Variants in TAOK1 observed in about 807,000 individuals in gnomAD.
TAOK1 encodes TAO kinase 1.
TAOK1 carries 21 observed loss-of-function variants against 138.3 expected under a neutral mutation model. The ratio of observed to expected loss-of-function variants is 0.15; its 90% confidence interval spans 0.11 to 0.22. TAOK1 has a LOEUF of 0.22. TAOK1 is among the 10% of genes least tolerant of loss of function. The pLI is 1.00. For missense variants in TAOK1, 651 were observed against 1,227.7 expected, an observed-to-expected ratio of 0.53 and a Z score of 7.02; for synonymous variants, 361 against 398.4, an observed-to-expected ratio of 0.91 and a Z score of 1.12.
intron 1 of TAOK1, among the ~76,000 whole-genome samples, chr17:29,420,834 G>A (rs1043005504): frequency 6.6e-6 from 1 of 152,034 alleles, no homozygotes; most frequent in Non-Finnish European, 1.5e-5. Context: ...CCGCCTGCCT[G>A]TAATCCCAAA....
At chr17:29,465,465 A>G (rs1365530211) in intron 2 of TAOK1, among the ~76,000 whole-genome samples, 1 of 151,898 alleles carries the variant, frequency 6.6e-6, no homozygotes, top group East Asian at 1.9e-4. Flanking sequence ...TTAATTTTTT[A>G]AAGCAACCTT....
chr17:29,482,086 A>G (rs6505138), intron 7 of TAOK1, 111 bp from the exon 8 acceptor site: 169,317 of 717,498 alleles, frequency 0.24, 24,388 homozygotes, highest in East Asian at 0.67. Context: ...ATGTCCAGAT[A>G]TATTGGCTAG....
chr17:29,495,847 C>T (rs2031402300), intron 11 of TAOK1, 120 bp downstream of exon 11: 2 of 799,212 alleles, frequency 2.5e-6, no homozygotes, highest in Admixed American at 6.9e-5. Context: ...ATTTTCTCAA[C>T]ACTGGTCCTA....
chr17:29,438,222 A>G (rs1050998920), intron 1 of TAOK1, among the ~76,000 whole-genome samples: 2 of 152,162 alleles, frequency 1.3e-5, no homozygotes, highest in African/African-American at 2.4e-5. Flanking sequence ...GAATGTTCCA[A>G]TATTACTATT....
chr17:29,451,465 CA>C lies in TAOK1; in HGVS notation c.-82del. ...TCTATTTTTCTACAGTAGTTTATGC[CA>C]ACGTGACTTCATTCATACAGATGAA... On this transcript the variant is annotated 5_prime_UTR_variant, in exon 2 of 20. An upstream open reading frame in the 5' UTR loses its in-frame stop. Coordinates refer to ENST00000261716, the MANE Select transcript of TAOK1 (RefSeq NM_020791.4). 6.9e-7 allele frequency: 1 copy of C among 1,450,718 alleles called. No homozygotes were observed. The highest frequency in any genetic ancestry group is 9.1e-7 in the Non-Finnish European group (1 of 1,099,162). 89.9% of individuals were successfully genotyped at this position (1,450,718 alleles called of 1,614,324 possible). A position where few individuals can be genotyped will look rare whatever the true frequency, so the allele number is the denominator to read the frequency against.
chr17:29,524,272 A>AT (rs1367863397), intron 17 of TAOK1, among the ~76,000 whole-genome samples: 5 of 152,320 alleles, frequency 3.3e-5, no homozygotes, highest in South Asian at 2.1e-4. Context: ...CCATGAACAG[A>AT]TTTTTAAACC....
In TAOK1 at chr17:29,547,920, T is replaced by C. The variant is rs1436409502; in HGVS notation, c.*4898T>C. ...AAGGACTACTGATTGAAGTCTGTTT[T>C]GCTGTGTCTGGTTATGTTGTCTGCA... is the stretch of plus-strand genomic sequence containing the variant. On this transcript the variant is annotated 3_prime_UTR_variant, in exon 20 of 20. Coordinates refer to ENST00000261716, the MANE Select transcript of TAOK1 (RefSeq NM_020791.4). 6.6e-6 allele frequency: 1 copy of C among 152,154 alleles called. No homozygotes were observed. Among genetic ancestry groups the C allele is most frequent in the African/African-American group, 2.4e-5 (1 of 41,454 alleles). 9.4% of individuals were successfully genotyped at this position (152,154 alleles called of 1,614,324 possible).
intron 2 of TAOK1, among the ~76,000 whole-genome samples, chr17:29,461,904 CAT>C (rs575556049): frequency 2.3e-3 from 347 of 152,226 alleles, no homozygotes; most frequent in African/African-American, 7.5e-3. Context: ...GTGTGGGAAA[CAT>C]GAACATGTAG....
At chr17:29,535,351 A>G (rs1043879328) in intron 19 of TAOK1, among the ~76,000 whole-genome samples, 22 of 152,066 alleles carry the variant, frequency 1.4e-4, no homozygotes, top group East Asian at 3.9e-4. Context: ...TCGATTATCA[A>G]TTGTATCCAG....
At chr17:29,451,431 C>CTTTTTTTTTTTT in intron 1 of TAOK1, 24 bp from the exon 2 acceptor site, 1 of 1,296,018 alleles carries the variant, frequency 7.7e-7, no homozygotes, top group Non-Finnish European at 1.0e-6. Flanking sequence ...CCTTTTCTGA[C>CTTTTTTTTTTTT]TTTTTTTTTC....
At chr17:29,420,751 A>T (rs1438502430) in intron 1 of TAOK1, among the ~76,000 whole-genome samples, 1 of 151,314 alleles carries the variant, frequency 6.6e-6, no homozygotes, top group Non-Finnish European at 1.5e-5. Flanking sequence ...ATGCCTGGCT[A>T]ATTTTGTATT....
intron 2 of TAOK1, among the ~76,000 whole-genome samples, chr17:29,464,978 G>A (rs2030624308): frequency 6.6e-6 from 1 of 151,258 alleles, no homozygotes; most frequent in Non-Finnish European, 1.5e-5. Flanking sequence ...GTGCCACTAT[G>A]CCTGGCTAAT....
chr17:29,409,333 A>ATATATATAT (rs1348702470), intron 1 of TAOK1, among the ~76,000 whole-genome samples: 7 of 59,058 alleles, frequency 1.2e-4, no homozygotes, highest in African/African-American at 3.3e-4. Context: ...ATATATATAT[A>ATATATATAT]TTTTTTTTTT....
intron 1 of TAOK1, among the ~76,000 whole-genome samples, chr17:29,403,172 A>T (rs1168795367): frequency 2.6e-5 from 4 of 151,034 alleles, no homozygotes; most frequent in African/African-American, 9.7e-5. Flanking sequence ...AAAAAAAAAA[A>T]AAAAAAAAAA....
intron 1 of TAOK1, among the ~76,000 whole-genome samples, chr17:29,396,202 C>T (rs573974333): frequency 2.0e-5 from 3 of 152,046 alleles, no homozygotes; most frequent in East Asian, 3.8e-4. Context: ...TCAGCTGGGA[C>T]GTTTCTGTCA....
intron 1 of TAOK1, among the ~76,000 whole-genome samples, chr17:29,415,821 G>A (rs1217282245): frequency 6.6e-6 from 1 of 152,170 alleles, no homozygotes; most frequent in African/African-American, 2.4e-5. Flanking sequence ...AATTTTGAAA[G>A]CAAGTGTTTA....
At chr17:29,478,800 C>G (rs578045619) in intron 6 of TAOK1, among the ~76,000 whole-genome samples, 1 of 152,172 alleles carries the variant, frequency 6.6e-6, no homozygotes, top group Non-Finnish European at 1.5e-5. Context: ...CATATTTATT[C>G]CATTGATTCT....
intron 12 of TAOK1, among the ~76,000 whole-genome samples, chr17:29,501,221 T>TAAAA (rs66503222): frequency 8.3e-6 from 1 of 120,634 alleles, no homozygotes; most frequent in Non-Finnish European, 1.7e-5. Flanking sequence ...CCCATCTGTT[T>TAAAA]AAAAAAAAAA....
At chr17:29,474,722 T>C (rs576105080) in intron 3 of TAOK1, among the ~76,000 whole-genome samples, 1 of 152,140 alleles carries the variant, frequency 6.6e-6, no homozygotes, top group Non-Finnish European at 1.5e-5. Flanking sequence ...ATAATAATGA[T>C]GAAAAAGTTT....
Sources: gnomAD v4.1 joint callset for allele counts (sites outside exome capture counted in the v4.1 genomes callset) on GRCh38, gnomAD v4.1.1 for gene constraint, MANE v1.5 for transcripts, NCBI Gene and HGNC (gene_info 2026-07-23, HGNC 2026-07-21) for gene names.